Variants in KLF8 observed in about 807,000 individuals in gnomAD.
KLF8 encodes the protein KLF transcription factor 8.
KLF8 carries 10 observed loss-of-function variants against 18.2 expected under a neutral mutation model. The observed-to-expected ratio is 0.55, with a 90% CI of 0.34 to 0.93. The LOEUF (loss-of-function observed/expected upper bound fraction) is 0.93. Ranked by LOEUF, KLF8 falls within the 40% of genes least tolerant of loss-of-function variation. KLF8 has a pLI of 0.02. For synonymous variants in KLF8, 109 were observed against 97.3 expected, an observed-to-expected ratio of 1.12 and a Z score of -0.71; for missense variants, 264 against 277.9, an observed-to-expected ratio of 0.95 and a Z score of 0.36.
At chrX:56,005,029 G>T in the KLF8 span, among the ~76,000 whole-genome samples, 4 of 100,044 alleles carry the variant, frequency 4.0e-5, no homozygotes, top group East Asian at 9.6e-4. Context: ...TATCCTTTAT[G>T]ATTATTATTA....
chrX:56,105,096 G>A, the KLF8 span, among the ~76,000 whole-genome samples: 1 of 111,603 alleles, frequency 9.0e-6, no homozygotes, highest in Non-Finnish European at 1.9e-5. Flanking sequence ...GTTGTGATTT[G>A]TGTTCTTTTA....
At chrX:56,008,450 G>A in the KLF8 span, among the ~76,000 whole-genome samples, 5 of 111,864 alleles carry the variant, frequency 4.5e-5, no homozygotes, top group East Asian at 8.5e-4. Context: ...CACCCGCAAC[G>A]AAGGGAGGCA....
chrX:56,116,866 AC>A, the KLF8 span, among the ~76,000 whole-genome samples: 1 of 110,236 alleles, frequency 9.1e-6, no homozygotes, highest in Non-Finnish European at 1.9e-5. Flanking sequence ...CCTTTAAAAT[AC>A]CTTAACAGTT....
At chrX:55,926,692 G>C in the KLF8 span, among the ~76,000 whole-genome samples, 1 of 110,710 alleles carries the variant, frequency 9.0e-6, no homozygotes, top group Non-Finnish European at 1.9e-5. Context: ...ATGTAGTCAG[G>C]AAGTCTACTA....
chrX:56,130,480 G>A, the KLF8 span, among the ~76,000 whole-genome samples: 4 of 111,588 alleles, frequency 3.6e-5, no homozygotes, highest in Admixed American at 9.5e-5. Context: ...GGAGCACCCC[G>A]TGGTACAAAC....
Position 56,265,276 on chromosome X carries a change from C to T in KLF8, c.178C>T (p.Pro60Ser). ...TLLDANPMEN[P>S]ALFNDIKIEP... is the part of the protein sequence containing the mutation. ...CCTGGATGCCAACCCCATGGAGAAC[C>T]CAGCACTGTTTAATGACATCAAGAT... Residue 60 changes from proline to serine, a missense_variant, in exon 3 of 6, where the codon CCA becomes TCA. Around this residue, in one of 2 missense-constraint regions of KLF8, gnomAD observed 221 missense variants for 193.6 expected, o/e 1.14. Coordinates refer to ENST00000468660, the MANE Select transcript of KLF8 (RefSeq NM_007250.5). 8.3e-7 allele frequency: 1 copy of T among 1,208,251 alleles called. No homozygotes were observed. Among genetic ancestry groups the T allele is most frequent in the South Asian group, 1.8e-5 (1 of 56,528 alleles).
At chrX:56,076,540 T>G in the KLF8 span, among the ~76,000 whole-genome samples, 3 of 111,295 alleles carry the variant, frequency 2.7e-5, no homozygotes, top group African/African-American at 9.8e-5. Flanking sequence ...CAGTCTATCA[T>G]TGTTGGACAT....
the KLF8 span, chrX:55,961,561 G>A: frequency 5.7e-6 from 3 of 529,951 alleles, no homozygotes; most frequent in African/African-American, 2.3e-5. Context: ...GAATAGTGAA[G>A]TGTTGAAAAA....
chrX:56,210,703 C>A, the KLF8 span, among the ~76,000 whole-genome samples: 1 of 109,981 alleles, frequency 9.1e-6, no homozygotes, highest in African/African-American at 3.3e-5. Flanking sequence ...TTTTTTAGAT[C>A]CTGAGGCATG....
At chrX:56,000,019 T>C in the KLF8 span, among the ~76,000 whole-genome samples, 2 of 111,920 alleles carry the variant, frequency 1.8e-5, no homozygotes, top group African/African-American at 3.2e-5. Flanking sequence ...ACATTCTTTC[T>C]ATGTCTAGTT....
the KLF8 span, among the ~76,000 whole-genome samples, chrX:56,090,966 C>T: frequency 2.7e-5 from 3 of 111,985 alleles, no homozygotes; most frequent in African/African-American, 9.7e-5. Flanking sequence ...TTATTTTTAA[C>T]GCTCAGTAGT....
At chrX:56,192,503 TA>T in the KLF8 span, among the ~76,000 whole-genome samples, 1 of 111,864 alleles carries the variant, frequency 8.9e-6, no homozygotes, top group Non-Finnish European at 1.9e-5. Context: ...ATACCTAAAA[TA>T]GCCAAAGCTG....
At chrX:56,024,525 C>A in the KLF8 span, among the ~76,000 whole-genome samples, 1 of 111,570 alleles carries the variant, frequency 9.0e-6, no homozygotes, top group African/African-American at 3.3e-5. Flanking sequence ...TGGCTTTAAT[C>A]AGCTGGAAGG....
the KLF8 span, among the ~76,000 whole-genome samples, chrX:56,009,114 C>T: frequency 9.0e-6 from 1 of 111,064 alleles, no homozygotes; most frequent in African/African-American, 3.3e-5. Context: ...CCCATGCCTC[C>T]CCAACTAGGC....
At chrX:56,159,447 G>A in the KLF8 span, among the ~76,000 whole-genome samples, 2 of 112,805 alleles carry the variant, frequency 1.8e-5, no homozygotes, top group East Asian at 5.6e-4. Context: ...GATTGGAATA[G>A]TTTCAGAAGG....
chrX:55,922,285 A>T, the KLF8 span, among the ~76,000 whole-genome samples: 1 of 112,900 alleles, frequency 8.9e-6, no homozygotes, highest in Non-Finnish European at 1.9e-5. Flanking sequence ...ATGCAGCCAT[A>T]AAAAGGAATG....
the KLF8 span, among the ~76,000 whole-genome samples, chrX:56,064,479 T>A: frequency 9.0e-6 from 1 of 110,973 alleles, no homozygotes; most frequent in South Asian, 3.8e-4. Context: ...CCAGTCAATA[T>A]CTTTTAAGTG....
chrX:55,965,340 C>T, the KLF8 span, among the ~76,000 whole-genome samples: 8 of 112,025 alleles, frequency 7.1e-5, no homozygotes, highest in Admixed American at 2.8e-4. Flanking sequence ...AGTATTCCTT[C>T]GTGTTAAGAA....
chrX:56,227,637 C>T (rs1186896114), upstream of KLF8, among the ~76,000 whole-genome samples: 1 of 111,698 alleles, frequency 9.0e-6, no homozygotes, highest in Non-Finnish European at 1.9e-5. Flanking sequence ...GCCACGGTGC[C>T]CAGCCTGCAA....
Sources: gnomAD v4.1 joint callset for allele counts (sites outside exome capture counted in the v4.1 genomes callset) on GRCh38, gnomAD v4.1.1 for gene constraint, gnomAD v4.1.1 regional missense constraint, MANE v1.5 for transcripts, NCBI Gene and HGNC (gene_info 2026-07-23, HGNC 2026-07-21) for gene names.